NKAIN3: variants seen among roughly 807,000 people sequenced by gnomAD.
NKAIN3 encodes sodium/potassium-transporting ATPase subunit beta-1-interacting protein 3.
In NKAIN3, 25 loss-of-function variants were observed where a neutral mutation model predicts 30.2. The ratio of observed to expected loss-of-function variants is 0.83; its 90% CI spans 0.60 to 1.16. The LOEUF (loss-of-function observed/expected upper bound fraction) is 1.16, where lower values mean the gene tolerates loss of function less well. Ranked by LOEUF, NKAIN3 falls within the 50% of genes most tolerant of loss-of-function variation. NKAIN3 has a pLI of 0.00. For missense variants in NKAIN3, 225 were observed against 254.1 expected (o/e 0.89, Z 0.78); for synonymous variants, 91 against 89.6 (o/e 1.02, Z -0.09).
At chr8:62,873,224 A>G (rs1044575531) in intron 4 of NKAIN3, among the ~76,000 whole-genome samples, 4 of 152,134 alleles carry the variant, frequency 2.6e-5, no homozygotes, top group African/African-American at 9.7e-5. Flanking sequence ...ATCAACAAAG[A>G]ACAAAAAAGA....
intron 1 of NKAIN3, among the ~76,000 whole-genome samples, chr8:62,376,917 T>C (rs1051316661): frequency 1.3e-5 from 2 of 152,138 alleles, no homozygotes; most frequent in African/African-American, 4.8e-5. Flanking sequence ...ATAGCTACTT[T>C]TATACTGACT....
At chr8:62,986,859 C>G (rs1824209569), downstream of NKAIN3, among the ~76,000 whole-genome samples, 1 of 152,172 alleles carries the variant, frequency 6.6e-6, no homozygotes, top group African/African-American at 2.4e-5. Flanking sequence ...ATCCAAATTT[C>G]TCATCTTGGT....
chr8:62,291,895 A>T (rs1330819401), intron 1 of NKAIN3, among the ~76,000 whole-genome samples: 1 of 152,108 alleles, frequency 6.6e-6, no homozygotes, highest in Non-Finnish European at 1.5e-5. Context: ...GTCTCCAAGG[A>T]CCTGCTTTAT....
chr8:62,786,014 A>G lies in NKAIN3; in HGVS notation c.471+38885A>G, dbSNP rs1018140986. ...GGAAATAAGTGTCAGAGAGCAAATC[A>G]TGCTTTCAGGCAAGTTGGTTCTCCC... On this transcript the variant is annotated intron_variant, in intron 4 of 6. Coordinates refer to ENST00000623646, the MANE Select transcript of NKAIN3 (RefSeq NM_001304533.3). Among the ~76,000 whole-genome samples, 12 of 152,042 alleles carry G rather than the reference A, an allele frequency of 7.9e-5. No individual in the cohort carries two copies. In the South Asian group the frequency reaches 2.3e-3, roughly 29 times the overall value.
At chr8:62,783,052 C>T (rs1212685548) in intron 4 of NKAIN3, among the ~76,000 whole-genome samples, 1 of 151,488 alleles carries the variant, frequency 6.6e-6, no homozygotes, top group African/African-American at 2.4e-5. Context: ...CATTTTTGTA[C>T]CCCACAAAAA....
At chr8:62,814,979 G>T (rs963027035) in intron 4 of NKAIN3, among the ~76,000 whole-genome samples, 1 of 151,836 alleles carries the variant, frequency 6.6e-6, no homozygotes, top group African/African-American at 2.4e-5. Context: ...TTGATAGACT[G>T]CTAGCAAGAC....
At chr8:62,998,513 G>T (rs1311880694) in intron 5 of NKAIN3, among the ~76,000 whole-genome samples, 1 of 152,154 alleles carries the variant, frequency 6.6e-6, no homozygotes, top group Non-Finnish European at 1.5e-5. Context: ...GACCTCAAGT[G>T]ATCCACCTGC....
chr8:62,943,828 T>C (rs1823046394), intron 5 of NKAIN3, among the ~76,000 whole-genome samples: 1 of 149,658 alleles, frequency 6.7e-6, no homozygotes, highest in South Asian at 2.1e-4. Flanking sequence ...ATATACACCA[T>C]GGACTATTAC....
intron 5 of NKAIN3, among the ~76,000 whole-genome samples, chr8:62,929,161 C>T (rs1822539667): frequency 1.3e-5 from 2 of 152,148 alleles, no homozygotes; most frequent in East Asian, 1.9e-4. Context: ...AAACAAAGGG[C>T]TTGACTTCAG....
intron 1 of NKAIN3, among the ~76,000 whole-genome samples, chr8:62,407,157 A>G (rs991822674): frequency 6.6e-6 from 1 of 152,066 alleles, no homozygotes; most frequent in African/African-American, 2.4e-5. Flanking sequence ...AGGTATTAAC[A>G]AAGAAAAAAA....
chr8:62,352,824 T>G (rs900308428), intron 1 of NKAIN3, among the ~76,000 whole-genome samples: 1 of 152,182 alleles, frequency 6.6e-6, no homozygotes, highest in African/African-American at 2.4e-5. Flanking sequence ...CATTCATCTT[T>G]GTGGAACACC....
At position 62,861,463 on chromosome 8, in the gene NKAIN3, G is replaced by A. The variant is rs75613612; in HGVS notation, c.472-56990G>A. ...CTGGGAACTCAGGGACTTTCCTGGC[G>A]TCACTTGAAATCACTGAAAGCCAAG... On this transcript the variant is annotated intron_variant, in intron 4 of 6. Coordinates refer to ENST00000623646, the MANE Select transcript of NKAIN3 (RefSeq NM_001304533.3). Among the ~76,000 whole-genome samples, 495 of 152,136 alleles carry A rather than the reference G, an allele frequency of 3.3e-3. 2 individuals are homozygous for A. The highest frequency in any genetic ancestry group is 0.011 in the African/African-American group (460 of 41,536).
intron 5 of NKAIN3, among the ~76,000 whole-genome samples, chr8:62,930,551 G>T (rs1822587064): frequency 6.6e-6 from 1 of 151,646 alleles, no homozygotes; most frequent in South Asian, 2.1e-4. Flanking sequence ...ACAGCGACCT[G>T]CCCTCTATTC....
intron 1 of NKAIN3, among the ~76,000 whole-genome samples, chr8:62,413,021 G>C (rs1169591310): frequency 6.6e-6 from 1 of 151,582 alleles, no homozygotes; most frequent in Non-Finnish European, 1.5e-5. Context: ...AGACATACAA[G>C]TGGCTACCAA....
intron 1 of NKAIN3, among the ~76,000 whole-genome samples, chr8:62,463,995 CTG>C (rs35164244): frequency 0.1 from 15,664 of 152,164 alleles, 1,139 homozygotes; most frequent in East Asian, 0.36. Flanking sequence ...ACACACAAAA[CTG>C]GGGATATTCC....
chr8:62,691,608 T>C (rs1446900213), intron 3 of NKAIN3, among the ~76,000 whole-genome samples: 1 of 152,190 alleles, frequency 6.6e-6, no homozygotes, highest in Non-Finnish European at 1.5e-5. Flanking sequence ...GAATGTTAAA[T>C]TCTAAAATCG....
At chr8:62,993,070 A>G (rs772608500) in intron 5 of NKAIN3, among the ~76,000 whole-genome samples, 1 of 152,060 alleles carries the variant, frequency 6.6e-6, no homozygotes, top group Non-Finnish European at 1.5e-5. Context: ...GCCTCTAGGT[A>G]CAAAAGAAAA....
intron 4 of NKAIN3, among the ~76,000 whole-genome samples, chr8:62,814,027 C>T (rs1438383891): frequency 6.6e-6 from 1 of 151,996 alleles, no homozygotes; most frequent in Non-Finnish European, 1.5e-5. Flanking sequence ...TAAGGATTCC[C>T]TTACATGTGA....
intron 5 of NKAIN3, among the ~76,000 whole-genome samples, chr8:62,944,888 T>C (rs1341484546): frequency 6.6e-6 from 1 of 152,234 alleles, no homozygotes; most frequent in Non-Finnish European, 1.5e-5. Flanking sequence ...AATGATAGGC[T>C]ACCTCAAATA....
Sources: allele counts gnomAD v4.1 joint callset (sites outside exome capture counted in the v4.1 genomes callset), GRCh38; gene constraint gnomAD v4.1.1; transcripts MANE v1.5; gene names NCBI Gene and HGNC (gene_info 2026-07-23, HGNC 2026-07-21).